Variants in FGA observed in about 807,000 individuals in gnomAD.
FGA encodes fibrinogen alpha chain, also known as fibrinogen, A alpha polypeptide.
In FGA, 20 loss-of-function variants were observed where a neutral mutation model predicts 20.3. The ratio of observed to expected loss-of-function variants is 0.99; its 90% CI spans 0.69 to 1.43. FGA has a LOEUF of 1.43. FGA is among the 40% of genes most tolerant of loss of function. The pLI, the probability that FGA is intolerant of heterozygous loss-of-function variation, is 0.00. For synonymous variants in FGA, 306 were observed against 281.6 expected, an observed-to-expected ratio of 1.09 and a Z score of -0.87; for missense variants, 777 against 784.7, an observed-to-expected ratio of 0.99 and a Z score of 0.12.
rs752713439 is a variant in FGA at position 154,588,789 on chromosome 4, T to C, written c.364+4A>G. 6.3e-6 allele frequency: 10 copies of C among 1,596,910 alleles called. No homozygotes were observed. In the Admixed American group the frequency reaches 1.5e-4, roughly 24 times the overall value. On this transcript the variant is annotated splice_donor_region_variant and intron_variant, in intron 3 of 4. Coordinates refer to ENST00000403106, the MANE Select transcript of FGA (RefSeq NM_021871.4). Reference sequence around the variant, plus strand: ...AGTCAAAGCAGTAAATATGTAATACTTACTATTGGCTGAGGAAAAATCGCC... The same window carrying C: ...AGTCAAAGCAGTAAATATGTAATACCTACTATTGGCTGAGGAAAAATCGCC...
chr4:154,586,651 C>G lies in FGA; in HGVS notation c.778G>C (p.Glu260Gln), dbSNP rs377359516. The change falls in exon 5 of 5, where the codon GAG becomes CAG. Residue 260 changes from glutamate (E) to glutamine (Q), a missense_variant. Coordinates refer to ENST00000403106, the MANE Select transcript of FGA (RefSeq NM_021871.4). ...ALTDMPQMRMELERPGGNEIT... is the reference protein window; with the variant it reads ...ALTDMPQMRMQLERPGGNEIT... ...TCATTTCCACCAGGTCTCTCTAACT[C>G]CATTCTCATCTGCGGCATGTCTGTT... is the stretch of plus-strand genomic sequence containing the variant. The G allele has an allele frequency of 1.6e-5, 26 of 1,614,230 alleles. No homozygotes were observed. The highest frequency in any genetic ancestry group is 2.2e-5 in the Non-Finnish European group (26 of 1,180,044).
rs1730764309 is a variant in FGA at position 154,587,744 on chromosome 4, G to GAA, written c.365-88_365-87insTT. The stretch of plus-strand genomic sequence containing the variant: ...AAAAAGAAAGGAAGAAAGGAAGGAA[G>GAA]GAGAAAGAAAGAAAGAAAGAAAGAA... On this transcript the variant is annotated intron_variant, in intron 3 of 4. Coordinates refer to ENST00000403106, the MANE Select transcript of FGA (RefSeq NM_021871.4). The GAA allele has an allele frequency of 9.7e-6, 5 of 513,292 alleles. No individual in the cohort carries two copies. In the African/African-American group the frequency reaches 1.8e-4, roughly 19 times the overall value. 31.8% of individuals were successfully genotyped at this position (513,292 alleles called of 1,614,324 possible).
downstream of FGA, chr4:154,584,046 CAA>C (rs1033917595): frequency 1.7e-6 from 2 of 1,179,976 alleles, no homozygotes; most frequent in African/African-American, 3.0e-5. Flanking sequence ...TAGAGAATCT[CAA>C]CTGCTTTACC....
intron 1 of FGA, among the ~76,000 whole-genome samples, chr4:154,590,406 G>T (rs1341345389): frequency 6.6e-6 from 1 of 152,156 alleles, no homozygotes; most frequent in Non-Finnish European, 1.5e-5. Flanking sequence ...AGATGCTAAA[G>T]TTTCCCTTGT....
Position 154,587,592 on chromosome 4 carries a change from T to C in FGA, c.430A>G (p.Lys144Glu). Residue 144 changes from lysine to glutamate, a missense_variant, in exon 4 of 5, where the codon AAA becomes GAA. Coordinates refer to ENST00000403106, the MANE Select transcript of FGA (RefSeq NM_021871.4). ...ATATGCTGTACTTTTTCTATGACTT[T>C]GCGCTTCAGGACTTCAATTCTGCTT... ...LRSRIEVLKR[K>E]VIEKVQHIQL... 6.2e-7 allele frequency: 1 copy of C among 1,614,030 alleles called. No individual in the cohort carries two copies. The highest frequency in any genetic ancestry group is 8.5e-7 in the Non-Finnish European group (1 of 1,179,958).
chr4:154,590,684 A>AG lies in FGA; in HGVS notation c.3_4insC (p.Phe2LeufsTer21). On this transcript the variant is annotated frameshift_variant, in exon 1 of 5. Coordinates refer to ENST00000403106, the MANE Select transcript of FGA (RefSeq NM_021871.4). LOFTEE classifies it high-confidence loss of function. ...ACCAGGCAGACGATCCTCATGGAAAACATCTTTTCTAAGGGTGGGGCTGGC... is the reference window on the plus strand; with the variant it reads ...ACCAGGCAGACGATCCTCATGGAAAAGCATCTTTTCTAAGGGTGGGGCTGGC... 1 of 1,556,050 alleles carries AG rather than the reference A, an allele frequency of 6.4e-7. No homozygotes were observed. The highest frequency in any genetic ancestry group is 8.7e-7 in the Non-Finnish European group (1 of 1,149,040).
chr4:154,587,025 T>C, intron 4 of FGA, 107 bp from the exon 5 acceptor site: 1 of 1,156,086 alleles, frequency 8.6e-7, no homozygotes, highest in Non-Finnish European at 1.3e-6. Context: ...GGTTTCATTT[T>C]TTTTGACTCG....
chr4:154,583,870 C>A, downstream of FGA: 1 of 467,786 alleles, frequency 2.1e-6, no homozygotes, highest in East Asian at 4.2e-5. Flanking sequence ...TCCTGATGTA[C>A]TGAATGGCCC....
intron 3 of FGA, 109 bp downstream of exon 3, chr4:154,588,684 A>G (rs1178326220): frequency 3.5e-6 from 3 of 845,602 alleles, no homozygotes; most frequent in Non-Finnish European, 6.0e-6. Context: ...GTGTTTCTAC[A>G]CTAAGTACTT....
At position 154,589,451 on chromosome 4, in the gene FGA, A is replaced by G. The variant is rs1226993918; in HGVS notation, c.166T>C (p.Ser56Pro). 6.2e-7 allele frequency: 1 copy of G among 1,614,046 alleles called. No homozygotes were observed. The highest frequency in any genetic ancestry group is 8.5e-7 in the Non-Finnish European group (1 of 1,180,000). ...TGACTGCTTACCCAGTCTTCATCAGAGCAGAAGGGCCAGTCTGAATCTTTG... is the reference window on the plus strand; with the variant it reads ...TGACTGCTTACCCAGTCTTCATCAGGGCAGAAGGGCCAGTCTGAATCTTTG... Reference protein sequence around the residue: ...ACKDSDWPFCSDEDWNYKCPS... With the variant: ...ACKDSDWPFCPDEDWNYKCPS... Residue 56 changes from serine (S) to proline (P), a missense_variant, in exon 2 of 5, where the codon TCT becomes CCT. Coordinates refer to ENST00000403106, the MANE Select transcript of FGA (RefSeq NM_021871.4).
In FGA at chr4:154,585,332, T is replaced by A; in HGVS notation, c.*162A>T. On this transcript the variant is annotated 3_prime_UTR_variant, in exon 5 of 5. Coordinates refer to ENST00000403106, the MANE Select transcript of FGA (RefSeq NM_021871.4). ...TCATGGCTCTGTACTGTTAGGCATT[T>A]GGGAATACAGAGATGAGACAGACAA... The A allele has an allele frequency of 8.6e-7, 1 of 1,162,582 alleles. No homozygotes were observed. The highest frequency in any genetic ancestry group is 1.6e-5 in the South Asian group (1 of 60,666). 72.0% of individuals were successfully genotyped at this position (1,162,582 alleles called of 1,614,324 possible). A position where few individuals can be genotyped will look rare whatever the true frequency, so the allele number is the denominator to read the frequency against.
At position 154,585,467 on chromosome 4, in the gene FGA, AC is replaced by A; in HGVS notation, c.*26del. ...GAAGGAAATGCAAGGGGCCATGGGA[AC>A]ACTGTGCAGAAATATTTAACTTAGT... On this transcript the variant is annotated 3_prime_UTR_variant, in exon 5 of 5. Coordinates refer to ENST00000403106, the MANE Select transcript of FGA (RefSeq NM_021871.4). 7.0e-7 allele frequency: 1 copy of A among 1,432,742 alleles called. No homozygotes were observed. The highest frequency in any genetic ancestry group is 9.8e-7 in the Non-Finnish European group (1 of 1,015,748). The allele number at this position is 1,432,742 out of a possible 1,614,324, so 88.8% of individuals were successfully genotyped here. A position where few individuals can be genotyped will look rare whatever the true frequency, so the allele number is the denominator to read the frequency against.
rs1483758403 is a variant in FGA, at chr4:154,585,984, A to G, written c.1445T>C (p.Val482Ala). The change falls in exon 5 of 5, where the codon GTG (valine) becomes GCG (alanine). Residue 482 changes from valine (V) to alanine (A), a missense_variant. Physicochemically the swap from Val to Ala is moderately conservative, Grantham distance 64 (BLOSUM62 0). Coordinates refer to ENST00000403106, the MANE Select transcript of FGA (RefSeq NM_021871.4). ...PDGHKEVTKE[V>A]VTSEDGSDCP... The stretch of plus-strand genomic sequence containing the variant: ...GTCAGAACCATCTTCGGAGGTCACC[A>G]CTTCTTTGGTAACTTCTTTGTGACC... 6.2e-7 allele frequency: 1 copy of G among 1,614,100 alleles called. No homozygotes were observed. The highest frequency in any genetic ancestry group is 8.5e-7 in the Non-Finnish European group (1 of 1,179,960).
rs1188945039 is a variant in FGA, at chr4:154,589,672, A to G, written c.55-110T>C. The G allele has an allele frequency of 2.4e-6, 3 of 1,233,382 alleles. No individual in the cohort carries two copies. The East Asian group carries it at 7.0e-5, about 29-fold the overall frequency. The allele number at this position is 1,233,382 out of a possible 1,614,324, so 76.4% of individuals were successfully genotyped here. A position where few individuals can be genotyped will look rare whatever the true frequency, so the allele number is the denominator to read the frequency against. ...AGGAAGAGATGGCACTCTCACAGAG[A>G]TTAAGGAGAGCAGACACAGGGCTTC... On this transcript the variant is annotated intron_variant, in intron 1 of 4. Transcript: ENST00000403106.
At chr4:154,590,271 C>G (rs1231874494) in intron 1 of FGA, among the ~76,000 whole-genome samples, 1 of 152,144 alleles carries the variant, frequency 6.6e-6, no homozygotes, top group Non-Finnish European at 1.5e-5. Context: ...ACAAATCTTA[C>G]CATAAAATGT....
At chr4:154,585,210 A>C (rs562292743), downstream of FGA, 1 of 1,311,280 alleles carries the variant, frequency 7.6e-7, no homozygotes, top group East Asian at 3.4e-5. Flanking sequence ...TGACAATTCT[A>C]ATAGCACACA....
chr4:154,589,618 A>G (rs1730823617), intron 1 of FGA, 56 bp from the exon 2 acceptor site: 1 of 1,597,342 alleles, frequency 6.3e-7, no homozygotes, highest in Non-Finnish European at 8.5e-7. Context: ...TAGCCAGAAG[A>G]GGAGACAGTG....
At position 154,586,747 on chromosome 4, in the gene FGA, G is replaced by C; in HGVS notation, c.682C>G (p.Pro228Ala). Residue 228 changes from proline to alanine, a missense_variant, in exon 5 of 5, where the codon CCA (proline) becomes GCA (alanine). Coordinates refer to ENST00000403106, the MANE Select transcript of FGA (RefSeq NM_021871.4). ...RQHLPLIKMK[P>A]VPDLVPGNFK... ...TTTCCGGGAACCAAGTCTGGAACTG[G>C]TTTCATTTTTATCAGTGGTAAGTGT... 1.2e-6 allele frequency: 2 copies of C among 1,614,216 alleles called. No individual in the cohort carries two copies. The highest frequency in any genetic ancestry group is 1.7e-6 in the Non-Finnish European group (2 of 1,180,042).
At position 154,585,987 on chromosome 4, in the gene FGA, T is replaced by A; in HGVS notation, c.1442A>T (p.Glu481Val). The A allele has an allele frequency of 6.2e-7, 1 of 1,614,122 alleles. No homozygotes were observed. The highest frequency in any genetic ancestry group is 8.5e-7 in the Non-Finnish European group (1 of 1,179,974). ...GPDGHKEVTK[E>V]VVTSEDGSDC... ...AGAACCATCTTCGGAGGTCACCACT[T>A]CTTTGGTAACTTCTTTGTGACCATC... The change falls in exon 5 of 5, where the codon GAA becomes GTA. Residue 481 changes from glutamate (E) to valine (V), a missense_variant. Glu to Val is a moderately radical substitution (Grantham distance 121). Transcript: ENST00000403106.
Sources: allele counts gnomAD v4.1 joint callset (sites outside exome capture counted in the v4.1 genomes callset), GRCh38; gene constraint gnomAD v4.1.1; transcripts MANE v1.5; gene names NCBI Gene and HGNC (gene_info 2026-07-23, HGNC 2026-07-21).